ANKFN1: variants seen among roughly 807,000 people sequenced by gnomAD.
ANKFN1 encodes the protein ankyrin repeat and fibronectin type-III domain-containing protein 1.
ANKFN1 carries 74 observed loss-of-function variants against 108.7 expected under a neutral mutation model. That is an observed-to-expected ratio of 0.68 (90% confidence interval 0.56 to 0.83). The LOEUF is 0.83. Ranked by LOEUF, ANKFN1 falls within the 40% of genes least tolerant of loss-of-function variation. The pLI is 0.00. For synonymous variants in ANKFN1, 547 were observed against 516.2 expected, an observed-to-expected ratio of 1.06 and a Z score of -0.81; for missense variants, 1,505 against 1,382.3, an observed-to-expected ratio of 1.09 and a Z score of -1.41.
intron 1 of ANKFN1, among the ~76,000 whole-genome samples, chr17:56,187,588 A>G (rs927646860): frequency 6.6e-6 from 1 of 152,208 alleles, no homozygotes; most frequent in African/African-American, 2.4e-5. Flanking sequence ...ATTACTGGGT[A>G]TATACCCAAA....
At chr17:56,451,620 C>T (rs2049491885) in intron 11 of ANKFN1, among the ~76,000 whole-genome samples, 1 of 152,158 alleles carries the variant, frequency 6.6e-6, no homozygotes, top group South Asian at 2.1e-4. Context: ...GATTTCGCCT[C>T]TCTGATCCAC....
chr17:56,326,903 T>C (rs995288978), intron 4 of ANKFN1, among the ~76,000 whole-genome samples: 7 of 152,194 alleles, frequency 4.6e-5, no homozygotes, highest in Non-Finnish European at 1.5e-5. Context: ...ATGACTGTGA[T>C]ACTGAGGATA....
intron 1 of ANKFN1, among the ~76,000 whole-genome samples, chr17:56,199,656 C>T (rs1357573859): frequency 6.6e-6 from 1 of 152,172 alleles, no homozygotes; most frequent in African/African-American, 2.4e-5. Context: ...TAACACTCAC[C>T]CCATGAACTT....
chr17:56,120,375 C>T (rs1312405931), intron 4 of ANKFN1, among the ~76,000 whole-genome samples: 3 of 152,108 alleles, frequency 2.0e-5, no homozygotes, highest in Non-Finnish European at 4.4e-5. Context: ...TATTTTCTCC[C>T]TAGAGTTGAC....
intron 4 of ANKFN1, among the ~76,000 whole-genome samples, chr17:56,348,004 G>A (rs1295246938): frequency 6.6e-6 from 1 of 152,026 alleles, no homozygotes; most frequent in Non-Finnish European, 1.5e-5. Context: ...CTTGAACTGG[G>A]GCATTAATGC....
At chr17:56,293,543 G>A (rs984723510) in intron 3 of ANKFN1, among the ~76,000 whole-genome samples, 1 of 152,156 alleles carries the variant, frequency 6.6e-6, no homozygotes, top group African/African-American at 2.4e-5. Flanking sequence ...GCAGATCCCA[G>A]ATTCAGGACA....
At chr17:56,076,381 C>T (rs1324242080) in intron 4 of ANKFN1, among the ~76,000 whole-genome samples, 1 of 152,178 alleles carries the variant, frequency 6.6e-6, no homozygotes, top group African/African-American at 2.4e-5. Context: ...GCTCTCAGCA[C>T]ATTTGCATAA....
intron 3 of ANKFN1, among the ~76,000 whole-genome samples, chr17:56,301,228 C>T (rs2044662427): frequency 6.6e-6 from 1 of 152,210 alleles, no homozygotes; most frequent in Non-Finnish European, 1.5e-5. Flanking sequence ...GTTTGACCTG[C>T]ATCAGCTCCA....
chr17:56,186,369 T>C (rs563834821), intron 1 of ANKFN1, among the ~76,000 whole-genome samples: 1 of 152,310 alleles, frequency 6.6e-6, no homozygotes, highest in Admixed American at 6.5e-5. Context: ...ACTTATATTA[T>C]CATGTTTGAT....
chr17:56,243,939 C>T (rs1917769868), intron 3 of ANKFN1, among the ~76,000 whole-genome samples: 1 of 152,002 alleles, frequency 6.6e-6, no homozygotes, highest in Admixed American at 6.6e-5. Context: ...TTAAATGAAA[C>T]TTCATTGTAT....
At chr17:56,163,884 C>T (rs1468723594) in intron 1 of ANKFN1, among the ~76,000 whole-genome samples, 1 of 152,148 alleles carries the variant, frequency 6.6e-6, no homozygotes, top group African/African-American at 2.4e-5. Context: ...TCTAGACACG[C>T]AGAACAGTTT....
chr17:56,340,513 T>G (rs534040428), intron 4 of ANKFN1, among the ~76,000 whole-genome samples: 7 of 152,200 alleles, frequency 4.6e-5, no homozygotes, highest in Admixed American at 3.9e-4. Flanking sequence ...CCAGTTTCAG[T>G]CTTCTGCTTA....
At chr17:56,498,843 G>A (rs1283314402) in intron 19 of ANKFN1, 39 bp from the exon 20 acceptor site, 4 of 1,491,038 alleles carry the variant, frequency 2.7e-6, no homozygotes, top group Non-Finnish European at 3.6e-6. Flanking sequence ...TTTAATCACT[G>A]CTTGATAACT....
chr17:56,138,579 G>T (rs571840385), intron 4 of ANKFN1, among the ~76,000 whole-genome samples: 4 of 148,862 alleles, frequency 2.7e-5, no homozygotes, highest in Middle Eastern at 3.5e-3. Flanking sequence ...GCATGATCTC[G>T]GCTCACTGTA....
Position 56,506,770 on chromosome 17 carries a change from C to T in ANKFN1, c.2645-3703C>T, listed in dbSNP as rs192724945. Among the ~76,000 whole-genome samples, 383 of 152,044 alleles carry T rather than the reference C, an allele frequency of 2.5e-3. 2 individuals are homozygous for T. Among genetic ancestry groups the T allele is most frequent in the African/African-American group, 8.6e-3 (356 of 41,460 alleles). Reference sequence around the variant, plus strand: ...CTAAGTGCCACTCCTCAGGAAGTTTCCACAGAGAGTCATGGAAATGCTAAG... The same window carrying T: ...CTAAGTGCCACTCCTCAGGAAGTTTTCACAGAGAGTCATGGAAATGCTAAG... On this transcript the variant is annotated intron_variant, in intron 20 of 20. Coordinates refer to ENST00000682825, the MANE Select transcript of ANKFN1 (RefSeq NM_001370326.1).
At chr17:56,119,004 G>A (rs950074642) in intron 4 of ANKFN1, among the ~76,000 whole-genome samples, 16 of 152,118 alleles carry the variant, frequency 1.1e-4, no homozygotes, top group Admixed American at 8.5e-4. Flanking sequence ...ATGGAGGTTC[G>A]AGGAGGTGAA....
intron 1 of ANKFN1, among the ~76,000 whole-genome samples, chr17:56,199,169 T>C (rs372789400): frequency 2.0e-5 from 3 of 152,286 alleles, no homozygotes; most frequent in African/African-American, 7.2e-5. Flanking sequence ...CCTGCACATT[T>C]TGTGGTTTTG....
At chr17:56,337,129 C>G (rs1281619084) in intron 4 of ANKFN1, among the ~76,000 whole-genome samples, 1 of 151,956 alleles carries the variant, frequency 6.6e-6, no homozygotes, top group Non-Finnish European at 1.5e-5. Flanking sequence ...GAGGAGTGCT[C>G]TACTTCCAAC....
chr17:56,502,507 A>G (rs2145460078), intron 20 of ANKFN1, among the ~76,000 whole-genome samples: 1 of 152,330 alleles, frequency 6.6e-6, no homozygotes, highest in Middle Eastern at 3.4e-3. Context: ...GCAGCAAATG[A>G]CAAATGGAAC....
Sources: gnomAD v4.1 joint callset for allele counts (sites outside exome capture counted in the v4.1 genomes callset) on GRCh38, gnomAD v4.1.1 for gene constraint, MANE v1.5 for transcripts, NCBI Gene and HGNC (gene_info 2026-07-23, HGNC 2026-07-21) for gene names.